ANKS1B: variants seen among roughly 807,000 people sequenced by gnomAD.
ANKS1B encodes ankyrin repeat and sterile alpha motif domain containing 1B, also known as ankyrin repeat and sterile alpha motif domain-containing protein 1B.
ANKS1B carries 36 observed loss-of-function variants against 148.3 expected under a neutral mutation model. The ratio of observed to expected loss-of-function variants is 0.24; its 90% CI spans 0.19 to 0.32. ANKS1B has a LOEUF of 0.32. Ranked by LOEUF, ANKS1B falls within the 10% of genes least tolerant of loss-of-function variation. The pLI, the probability that ANKS1B is intolerant of heterozygous loss-of-function variation, is 1.00. For synonymous variants in ANKS1B, 542 were observed against 560.8 expected (o/e 0.97, Z 0.47); for missense variants, 1,157 against 1,542.6 (o/e 0.75, Z 4.19).
chr12:99,368,075 G>A (rs1460470945), intron 12 of ANKS1B, among the ~76,000 whole-genome samples: 2 of 152,102 alleles, frequency 1.3e-5, no homozygotes, highest in Admixed American at 6.6e-5. Flanking sequence ...TTTTGGCAAA[G>A]CATTCTGATT....
chr12:99,292,804 C>T (rs527299985), intron 12 of ANKS1B, among the ~76,000 whole-genome samples: 216 of 152,216 alleles, frequency 1.4e-3, no homozygotes, highest in African/African-American at 4.7e-3. Context: ...CAATGAGATA[C>T]CATCTCACAC....
intron 16 of ANKS1B, among the ~76,000 whole-genome samples, chr12:99,064,504 G>T (rs7957290): frequency 6.6e-6 from 1 of 152,254 alleles, no homozygotes; most frequent in East Asian, 1.9e-4. Flanking sequence ...GCACTGGGAA[G>T]ACTACAAGTT....
At chr12:99,357,229 A>G (rs797016672) in intron 12 of ANKS1B, among the ~76,000 whole-genome samples, 3 of 152,048 alleles carry the variant, frequency 2.0e-5, no homozygotes, top group South Asian at 2.1e-4. Context: ...CCATGTTACT[A>G]TAAGTTTTTG....
chr12:99,234,118 A>G (rs2153955469), intron 14 of ANKS1B, among the ~76,000 whole-genome samples: 1 of 152,296 alleles, frequency 6.6e-6, no homozygotes, highest in South Asian at 2.1e-4. Context: ...AGCTAGGCAT[A>G]GCACTTGACT....
At chr12:98,876,272 C>T (rs151038704) in intron 17 of ANKS1B, among the ~76,000 whole-genome samples, 1 of 151,972 alleles carries the variant, frequency 6.6e-6, no homozygotes, top group Non-Finnish European at 1.5e-5. Context: ...CGTGCTGTTT[C>T]CTGTAACTGC....
chr12:99,248,619 T>C (rs2074179567), intron 12 of ANKS1B, among the ~76,000 whole-genome samples: 1 of 152,210 alleles, frequency 6.6e-6, no homozygotes, highest in African/African-American at 2.4e-5. Flanking sequence ...AGTGAGTGGA[T>C]AGTGGGATAA....
In ANKS1B at chr12:99,333,854, G is replaced by GTTTTTTTTTTTTTTTT. The variant is rs10526476; in HGVS notation, c.1756+65761_1756+65776dup. On this transcript the variant is annotated intron_variant, in intron 12 of 26. Transcript: ENST00000683438. ...ATCAAAGTCACATTTCCAGTTCTCA[G>GTTTTTTTTTTTTTTTT]TTTTTTTTTTTTTTTTTTTTTAACA... Among the ~76,000 whole-genome samples, 336 of 107,392 alleles carry GTTTTTTTTTTTTTTTT rather than the reference G, an allele frequency of 3.1e-3. 18 individuals are homozygous for GTTTTTTTTTTTTTTTT. The highest frequency in any genetic ancestry group is 4.1e-3 in the Non-Finnish European group (219 of 53,528). The allele number at this position is 107,392 out of a possible 152,430, so 70.5% of individuals were successfully genotyped here.
Position 99,984,366 on chromosome 12 carries a change from A to C in ANKS1B, c.-129T>G, listed in dbSNP as rs1366551994. 9 of 530,458 alleles carry C rather than the reference A, an allele frequency of 1.7e-5. No individual in the cohort carries two copies. Among genetic ancestry groups the C allele is most frequent in the Admixed American group, 3.4e-5 (1 of 29,136 alleles). The allele number at this position is 530,458 out of a possible 1,614,324, so 32.9% of individuals were successfully genotyped here. A position where few individuals can be genotyped will look rare whatever the true frequency, so the allele number is the denominator to read the frequency against. On this transcript the variant is annotated 5_prime_UTR_variant, in exon 1 of 27. Transcript: ENST00000683438. ...ATAATGCAAGAGCTTCAGCACGGAGAGCTCCCTGCAGCCCCAGGCAGGGAG... is the reference window on the plus strand; with the variant it reads ...ATAATGCAAGAGCTTCAGCACGGAGCGCTCCCTGCAGCCCCAGGCAGGGAG...
rs764522691 is a variant in ANKS1B, at chr12:99,408,264, C to T, written c.1576-8453G>A. Among the ~76,000 whole-genome samples the T allele has an allele frequency of 2.8e-5, 4 of 145,454 alleles. 1 individual carries two copies. The highest frequency in any genetic ancestry group is 6.1e-5 in the Non-Finnish European group (4 of 65,774). On this transcript the variant is annotated intron_variant, in intron 11 of 26. Coordinates refer to ENST00000683438, the MANE Select transcript of ANKS1B (RefSeq NM_001352186.2). ...ACACAAGGTTACATAAGGGAAAAGA[C>T]AGGGTGGTGGTGGAAAAACAGGATA... is the stretch of plus-strand genomic sequence containing the variant.
chr12:99,657,446 A>G (rs2098454957), intron 8 of ANKS1B, among the ~76,000 whole-genome samples: 1 of 152,174 alleles, frequency 6.6e-6, no homozygotes, highest in South Asian at 2.1e-4. Flanking sequence ...CTGTTACACG[A>G]GTAAAGTCCT....
chr12:99,752,683 G>A (rs564981165), intron 8 of ANKS1B, among the ~76,000 whole-genome samples: 3 of 151,806 alleles, frequency 2.0e-5, no homozygotes, highest in African/African-American at 7.2e-5. Context: ...TATTATTGCA[G>A]TACCCCTTCA....
At chr12:98,759,975 G>A (rs1401940078) in intron 25 of ANKS1B, among the ~76,000 whole-genome samples, 3 of 149,984 alleles carry the variant, frequency 2.0e-5, no homozygotes, top group South Asian at 2.1e-4. Flanking sequence ...GTGAGACTCC[G>A]TCTAAAAATA....
At chr12:99,151,954 G>A (rs986451318) in intron 15 of ANKS1B, among the ~76,000 whole-genome samples, 4 of 152,088 alleles carry the variant, frequency 2.6e-5, no homozygotes, top group Non-Finnish European at 5.9e-5. Flanking sequence ...TGTTGCTTAG[G>A]CAACAGGAGG....
intron 17 of ANKS1B, among the ~76,000 whole-genome samples, chr12:98,868,483 CA>C (rs1324345441): frequency 3.3e-5 from 5 of 152,230 alleles, no homozygotes; most frequent in African/African-American, 1.2e-4. Flanking sequence ...TTTAAATGAG[CA>C]TGAAGCATTC....
chr12:99,559,211 T>G (rs1436787186), intron 9 of ANKS1B, among the ~76,000 whole-genome samples: 2 of 152,164 alleles, frequency 1.3e-5, no homozygotes, highest in African/African-American at 2.4e-5. Context: ...TTCCTCCTAG[T>G]TGCATCTAGT....
chr12:99,693,646 C>T (rs1422905150), intron 8 of ANKS1B, among the ~76,000 whole-genome samples: 3 of 152,066 alleles, frequency 2.0e-5, no homozygotes, highest in African/African-American at 7.2e-5. Flanking sequence ...TCAGGATAGT[C>T]ATCATATACA....
intron 2 of ANKS1B, among the ~76,000 whole-genome samples, chr12:99,816,725 G>A (rs10860527): frequency 0.63 from 95,763 of 151,304 alleles, 30,674 homozygotes; most frequent in South Asian, 0.73. Context: ...AGAATAAAGT[G>A]TTAATCAGCA....
chr12:99,486,019 T>C (rs188006035), intron 10 of ANKS1B, among the ~76,000 whole-genome samples: 4 of 152,322 alleles, frequency 2.6e-5, no homozygotes, highest in South Asian at 4.1e-4. Context: ...GAATTACTTA[T>C]GTGGCATTTC....
At chr12:99,291,030 A>C (rs1036936588) in intron 12 of ANKS1B, among the ~76,000 whole-genome samples, 1 of 151,956 alleles carries the variant, frequency 6.6e-6, no homozygotes, top group African/African-American at 2.4e-5. Flanking sequence ...AAAAACCCAA[A>C]CTAATTCAGT....
Sources: gnomAD v4.1 joint callset for allele counts (sites outside exome capture counted in the v4.1 genomes callset) on GRCh38, gnomAD v4.1.1 for gene constraint, MANE v1.5 for transcripts, NCBI Gene and HGNC (gene_info 2026-07-23, HGNC 2026-07-21) for gene names.